Variants in JPH2 observed in about 807,000 individuals in gnomAD.
JPH2 encodes the protein junctophilin-2.
In JPH2, 38 loss-of-function variants were observed where a neutral mutation model predicts 55.9. That is an observed-to-expected ratio of 0.68 (90% confidence interval 0.52 to 0.89). The LOEUF is 0.89. Ranked by LOEUF, JPH2 falls within the 40% of genes least tolerant of loss-of-function variation. The pLI is 0.00. For missense variants in JPH2, 964 were observed against 1,037.6 expected (o/e 0.93, Z 0.97); for synonymous variants, 480 against 472.4 (o/e 1.02, Z -0.21).
rs1228023335 is a variant in JPH2, at chr20:44,134,614, TAATA to T, written c.1170-15995_1170-15992del. On this transcript the variant is annotated intron_variant, in intron 2 of 5. Coordinates refer to ENST00000372980, the MANE Select transcript of JPH2 (RefSeq NM_020433.5). ...TATAAATATATATTTATTATAAATA[TAATA>T]AATATATATTTATTATAAATATATA... Among the ~76,000 whole-genome samples the T allele has an allele frequency of 2.8e-3, 11 of 3,884 alleles. 1 individual carries two copies. The highest frequency in any genetic ancestry group is 9.1e-3 in the African/African-American group (10 of 1,100). 2.5% of individuals were successfully genotyped at this position (3,884 alleles called of 152,430 possible). A position where few individuals can be genotyped will look rare whatever the true frequency, so the allele number is the denominator to read the frequency against.
chr20:44,152,039 C>G (rs2072534372), intron 2 of JPH2, among the ~76,000 whole-genome samples: 1 of 152,224 alleles, frequency 6.6e-6, no homozygotes, highest in South Asian at 2.1e-4. Context: ...TCCTTCCTCC[C>G]TCTCCACCAC....
intron 2 of JPH2, among the ~76,000 whole-genome samples, chr20:44,135,042 G>A (rs2072399810): frequency 6.7e-6 from 1 of 149,472 alleles, no homozygotes; most frequent in Non-Finnish European, 1.5e-5. Flanking sequence ...GGGGGGCTCA[G>A]GGAGGCTGCT....
intron 2 of JPH2, among the ~76,000 whole-genome samples, chr20:44,151,495 C>A (rs984235374): frequency 1.3e-5 from 2 of 151,778 alleles, no homozygotes; most frequent in Admixed American, 6.6e-5. Context: ...CCAGTCTGGG[C>A]GACAGAGCAA....
chr20:44,180,340 A>T (rs77376124), intron 1 of JPH2, among the ~76,000 whole-genome samples: 22,467 of 130,748 alleles, frequency 0.17, 3,486 homozygotes, highest in African/African-American at 0.42. Flanking sequence ...TATTTATTTT[A>T]TTTTTTTTTG....
chr20:44,150,833 C>T (rs979639749), intron 2 of JPH2, among the ~76,000 whole-genome samples: 3 of 152,172 alleles, frequency 2.0e-5, no homozygotes, highest in Admixed American at 2.0e-4. Context: ...CAAGACTAGC[C>T]TGGGCAACAT....
chr20:44,156,566 T>C (rs1238587695), intron 2 of JPH2, among the ~76,000 whole-genome samples: 2 of 152,202 alleles, frequency 1.3e-5, no homozygotes, highest in South Asian at 4.2e-4. Flanking sequence ...GTGAGGCCAT[T>C]GTCTTCCTCC....
chr20:44,135,934 T>C, intron 2 of JPH2, among the ~76,000 whole-genome samples: 1 of 152,226 alleles, frequency 6.6e-6, no homozygotes, highest in African/African-American at 2.4e-5. Flanking sequence ...GACAGGCCCA[T>C]TGTAAGTGCT....
At chr20:44,152,284 T>C (rs1297051050) in intron 2 of JPH2, among the ~76,000 whole-genome samples, 6 of 152,268 alleles carry the variant, frequency 3.9e-5, no homozygotes, top group Non-Finnish European at 2.9e-5. Context: ...CTGTGCAACC[T>C]GTTTGAGAAA....
intron 3 of JPH2, 28 bp from the exon 4 acceptor site, chr20:44,116,414 C>A: frequency 6.5e-7 from 1 of 1,544,640 alleles, no homozygotes; most frequent in Non-Finnish European, 8.7e-7. Context: ...GGAGGCTGGG[C>A]TCGAACCCCG....
chr20:44,175,429 G>T (rs572951229), intron 1 of JPH2, among the ~76,000 whole-genome samples: 1 of 152,166 alleles, frequency 6.6e-6, no homozygotes, highest in Non-Finnish European at 1.5e-5. Context: ...CATTTTTCCC[G>T]TAACAATCCC....
At chr20:44,145,269 G>A (rs2072485479) in intron 2 of JPH2, among the ~76,000 whole-genome samples, 1 of 152,162 alleles carries the variant, frequency 6.6e-6, no homozygotes, top group South Asian at 2.1e-4. Context: ...GAAGGTGCAG[G>A]CTGCTGGCCT....
rs6031396 is a variant in JPH2 at position 44,111,805 on chromosome 20, G to C, written c.*1713C>G. 1.3e-5 allele frequency: 2 copies of C among 152,400 alleles called. No individual in the cohort carries two copies. Among genetic ancestry groups the C allele is most frequent in the African/African-American group, 4.8e-5 (2 of 41,388 alleles). The allele number at this position is 152,400 out of a possible 1,614,324, so 9.4% of individuals were successfully genotyped here. A position where few individuals can be genotyped will look rare whatever the true frequency, so the allele number is the denominator to read the frequency against. ...TGGCCTGGGAGCTTTGGCAGGCACA[G>C]GCTTGTCCCCAGCACCAGCCAAAAA... On this transcript the variant is annotated 3_prime_UTR_variant, in exon 6 of 6. Transcript: ENST00000372980.
chr20:44,112,891 G>A lies in JPH2; in HGVS notation c.*627C>T, dbSNP rs2072156711. On this transcript the variant is annotated 3_prime_UTR_variant, in exon 6 of 6. Coordinates refer to ENST00000372980, the MANE Select transcript of JPH2 (RefSeq NM_020433.5). ...GAAGCTAACTGGACTGGTGGGAGGA[G>A]ACAGAGCACTGTGTTCTGGGATATT... is the stretch of plus-strand genomic sequence containing the variant. 6.6e-6 allele frequency: 1 copy of A among 152,316 alleles called. No individual in the cohort carries two copies. Among genetic ancestry groups the A allele is most frequent in the South Asian group, 2.1e-4 (1 of 4,830 alleles). 9.4% of individuals were successfully genotyped at this position (152,316 alleles called of 1,614,324 possible).
chr20:44,180,135 T>C (rs2072767744), intron 1 of JPH2, among the ~76,000 whole-genome samples: 1 of 152,188 alleles, frequency 6.6e-6, no homozygotes, highest in Non-Finnish European at 1.5e-5. Flanking sequence ...GGAGAATTGC[T>C]TGAATCCAGG....
intron 2 of JPH2, among the ~76,000 whole-genome samples, chr20:44,127,547 G>A (rs1350317497): frequency 2.0e-5 from 3 of 150,536 alleles, no homozygotes; most frequent in Non-Finnish European, 2.9e-5. Flanking sequence ...GTGCAGTGGC[G>A]CAATCTCAGC....
intron 1 of JPH2, among the ~76,000 whole-genome samples, chr20:44,168,642 G>A (rs2072674436): frequency 6.6e-6 from 1 of 152,218 alleles, no homozygotes; most frequent in Non-Finnish European, 1.5e-5. Context: ...CAATGTGGCA[G>A]TTGTTGGCAA....
intron 1 of JPH2, among the ~76,000 whole-genome samples, chr20:44,167,385 C>A (rs2072664160): frequency 6.6e-6 from 1 of 152,198 alleles, no homozygotes; most frequent in Admixed American, 6.5e-5. Context: ...ATTTTCAAGT[C>A]TTTTCCTGAA....
At chr20:44,148,586 C>T (rs2867795) in intron 2 of JPH2, among the ~76,000 whole-genome samples, 19,023 of 152,218 alleles carry the variant, frequency 0.12, 1,415 homozygotes, top group Admixed American at 0.24. Context: ...ATGTGTTGGG[C>T]GAAGGCGACC....
intron 5 of JPH2, among the ~76,000 whole-genome samples, chr20:44,113,903 T>C (rs747742091): frequency 6.6e-6 from 1 of 152,208 alleles, no homozygotes; most frequent in Non-Finnish European, 1.5e-5. Flanking sequence ...ACGGCAGCAC[T>C]TACCAGGCTG....
Sources: gnomAD v4.1 joint callset for allele counts (sites outside exome capture counted in the v4.1 genomes callset) on GRCh38, gnomAD v4.1.1 for gene constraint, MANE v1.5 for transcripts, NCBI Gene and HGNC (gene_info 2026-07-23, HGNC 2026-07-21) for gene names.